The following PCDH15 variants were observed in gnomAD, a reference collection of about 807,000 sequenced individuals.
PCDH15 encodes the protein protocadherin related 15.
Under a neutral mutation model 178.5 loss-of-function variants are expected in PCDH15, and 129 were observed. That is an observed-to-expected ratio of 0.72 (90% confidence interval 0.63 to 0.84). PCDH15 has a LOEUF of 0.84. Among genes scored for constraint, PCDH15 ranks in the 40% least tolerant of loss-of-function variants. The pLI, the probability that PCDH15 is intolerant of heterozygous loss-of-function variation, is 0.00. For missense variants in PCDH15, 2,230 were observed against 2,099.9 expected (o/e 1.06, Z -1.21); for synonymous variants, 800 against 732.0 (o/e 1.09, Z -1.50).
At chr10:54,908,534 G>A (rs1954764686) in intron 2 of PCDH15, among the ~76,000 whole-genome samples, 1 of 152,188 alleles carries the variant, frequency 6.6e-6, no homozygotes, top group South Asian at 2.1e-4. Context: ...CTGCAACATG[G>A]CAGGCAACAG....
chr10:55,493,478 G>T (rs901538118), intron 2 of PCDH15, among the ~76,000 whole-genome samples: 7 of 151,562 alleles, frequency 4.6e-5, no homozygotes, highest in African/African-American at 1.7e-4. Flanking sequence ...GGAGGTCAAG[G>T]CTGCAGTAAG....
chr10:54,874,425 A>G (rs1179495227), intron 3 of PCDH15, among the ~76,000 whole-genome samples: 1 of 151,412 alleles, frequency 6.6e-6, no homozygotes, highest in Non-Finnish European at 1.5e-5. Flanking sequence ...TAATGCTGCA[A>G]TAAACATACG....
chr10:54,930,586 G>A (rs1433615177), intron 2 of PCDH15, among the ~76,000 whole-genome samples: 2 of 152,080 alleles, frequency 1.3e-5, no homozygotes, highest in Non-Finnish European at 2.9e-5. Context: ...GACTAGCTTG[G>A]TCAAGGTAAC....
At chr10:54,453,446 T>C (rs1215267444) in intron 3 of PCDH15, among the ~76,000 whole-genome samples, 3 of 151,756 alleles carry the variant, frequency 2.0e-5, no homozygotes, top group Non-Finnish European at 2.9e-5. Context: ...TAGGTGGGAA[T>C]TGAACAATGA....
At chr10:54,085,778 T>C (rs1198771423) in intron 16 of PCDH15, among the ~76,000 whole-genome samples, 1 of 152,124 alleles carries the variant, frequency 6.6e-6, no homozygotes, top group African/African-American at 2.4e-5. Context: ...CCTACTGACA[T>C]TAAGATGATT....
chr10:54,774,436 G>C (rs574818494), intron 1 of PCDH15, among the ~76,000 whole-genome samples: 55 of 152,140 alleles, frequency 3.6e-4, no homozygotes, highest in Non-Finnish European at 6.3e-4. Context: ...GAGATACTAT[G>C]TATCTACTAT....
At chr10:54,247,605 A>G (rs1397529202) in intron 8 of PCDH15, among the ~76,000 whole-genome samples, 1 of 151,922 alleles carries the variant, frequency 6.6e-6, no homozygotes, top group Non-Finnish European at 1.5e-5. Context: ...AATCATATAC[A>G]CATATAGGGG....
At chr10:55,202,889 TGA>T (rs1452050359) in intron 1 of PCDH15, among the ~76,000 whole-genome samples, 5 of 152,180 alleles carry the variant, frequency 3.3e-5, no homozygotes, top group African/African-American at 1.2e-4. Flanking sequence ...CATAATTGTG[TGA>T]GTTTCCTAAG....
intron 20 of PCDH15, among the ~76,000 whole-genome samples, chr10:54,008,161 G>A (rs2092447290): frequency 6.6e-6 from 1 of 152,036 alleles, no homozygotes; most frequent in Admixed American, 6.6e-5. Context: ...GATGAACTTG[G>A]AATAAAAAAG....
At chr10:54,183,319 AATT>A (rs762129825) in intron 13 of PCDH15, 122 bp downstream of exon 13, 7 of 967,866 alleles carry the variant, frequency 7.2e-6, no homozygotes, top group Non-Finnish European at 9.8e-6. Context: ...TATTTAAACT[AATT>A]ATGCTATACA....
At chr10:54,755,756 T>C (rs1033733944) in intron 1 of PCDH15, among the ~76,000 whole-genome samples, 9 of 152,096 alleles carry the variant, frequency 5.9e-5, no homozygotes, top group Admixed American at 5.2e-4. Flanking sequence ...CTGTATAAGA[T>C]TAATAAAAAT....
At chr10:54,195,988 T>C in intron 10 of PCDH15, 99 bp from the exon 11 acceptor site, 3 of 1,042,692 alleles carry the variant, frequency 2.9e-6, no homozygotes, top group Non-Finnish European at 2.9e-6. Context: ...TCTTTTTAAC[T>C]AATATCATCA....
intron 35 of PCDH15, among the ~76,000 whole-genome samples, chr10:53,812,226 G>A (rs922018451): frequency 1.3e-5 from 2 of 152,038 alleles, no homozygotes; most frequent in Middle Eastern, 3.2e-3. Context: ...TTGTTTTTTT[G>A]AGACGGAGTC....
At chr10:54,442,414 CTA>C (rs71007859) in intron 3 of PCDH15, among the ~76,000 whole-genome samples, 1,440 of 18,684 alleles carry the variant, frequency 0.077, 12 homozygotes, top group Non-Finnish European at 0.095. Flanking sequence ...GCCTTAAAGG[CTA>C]TATATATATA....
rs370475018 is a variant in PCDH15 at position 54,002,241 on chromosome 10, A to G, written c.2752-6476T>C. On this transcript the variant is annotated intron_variant, in intron 20 of 37. Coordinates refer to ENST00000644397, the MANE Select transcript of PCDH15 (RefSeq NM_001384140.1). Reference sequence around the variant, plus strand: ...AGAGCCAGATACATCCCCAAACAAAAATAGCTGGAAACTTCAACATCCCAC... The same window carrying G: ...AGAGCCAGATACATCCCCAAACAAAGATAGCTGGAAACTTCAACATCCCAC... Among the ~76,000 whole-genome samples, 17 of 152,154 alleles carry G rather than the reference A, an allele frequency of 1.1e-4. No individual in the cohort carries two copies. In the South Asian group the frequency reaches 3.5e-3, roughly 32 times the overall value.
chr10:54,523,035 G>A (rs1029415792), intron 3 of PCDH15, among the ~76,000 whole-genome samples: 2 of 152,100 alleles, frequency 1.3e-5, no homozygotes, highest in South Asian at 2.1e-4. Context: ...ATTTTCAAAA[G>A]CAAACACACA....
At chr10:54,232,920 C>CTTT (rs2054220634) in intron 9 of PCDH15, among the ~76,000 whole-genome samples, 3 of 126,624 alleles carry the variant, frequency 2.4e-5, no homozygotes, top group African/African-American at 1.0e-4. Flanking sequence ...GTTTAGCTTT[C>CTTT]TTTCTTTTTT....
chr10:54,309,264 T>G (rs2060745458), intron 8 of PCDH15, among the ~76,000 whole-genome samples: 1 of 151,780 alleles, frequency 6.6e-6, no homozygotes, highest in African/African-American at 2.4e-5. Context: ...ATAATATATT[T>G]GGATAATCTA....
chr10:54,919,796 C>G lies in PCDH15; in HGVS notation c.-79-22296G>C, dbSNP rs118072811. 8.9e-3 allele frequency among the ~76,000 whole-genome samples: 1,361 copies of G among 152,142 alleles called. 13 individuals are homozygous for G. Among genetic ancestry groups the G allele is most frequent in the Middle Eastern group, 0.017 (5 of 294 alleles). ...TTACTTTCATATGAAATATGAACTA[C>G]GATTTTCTTCCAGAAAACCAAGCAA... On this transcript the variant is annotated intron_variant, in intron 2 of 5. Transcript: ENST00000458638.
Sources: allele counts gnomAD v4.1 joint callset (sites outside exome capture counted in the v4.1 genomes callset), GRCh38; gene constraint gnomAD v4.1.1; transcripts MANE v1.5; gene names NCBI Gene and HGNC (gene_info 2026-07-23, HGNC 2026-07-21).